The following SEMA3G variants were observed in gnomAD, a reference collection of about 807,000 sequenced individuals.
SEMA3G encodes the protein semaphorin-3G.
SEMA3G carries 70 observed loss-of-function variants against 86.2 expected under a neutral mutation model. The ratio of observed to expected loss-of-function variants is 0.81; its 90% CI spans 0.67 to 0.99. The LOEUF (loss-of-function observed/expected upper bound fraction) is 0.99, where lower values mean the gene tolerates loss of function less well. Ranked by LOEUF, SEMA3G falls within the 50% of genes least tolerant of loss-of-function variation. The pLI, the probability that SEMA3G is intolerant of heterozygous loss-of-function variation, is 0.00. For synonymous variants in SEMA3G, 416 were observed against 441.4 expected (o/e 0.94, Z 0.72); for missense variants, 1,002 against 1,072.4 (o/e 0.93, Z 0.92).
In SEMA3G at chr3:52,442,482, G is replaced by A; in HGVS notation, c.339+77C>T. Reference sequence around the variant, plus strand: ...CCAAATGCCCCTGGTAGAGGTACCTGGGGCGTGGTCACGGATTGTCCTGGG... The same window carrying A: ...CCAAATGCCCCTGGTAGAGGTACCTAGGGCGTGGTCACGGATTGTCCTGGG... On this transcript the variant is annotated intron_variant, in intron 3 of 15. Coordinates refer to ENST00000231721, the MANE Select transcript of SEMA3G (RefSeq NM_020163.3). This position sits in a 1 kb window ranked among gnomAD's most constrained non-coding sequence, Gnocchi z 6.1. 2 of 1,536,424 alleles carry A rather than the reference G, an allele frequency of 1.3e-6. No homozygotes were observed. Among genetic ancestry groups the A allele is most frequent in the Non-Finnish European group, 1.8e-6 (2 of 1,110,814 alleles).
intron 10 of SEMA3G, 131 bp from the exon 11 acceptor site, chr3:52,440,229 AC>A (rs1706125296): frequency 7.8e-6 from 6 of 765,142 alleles, no homozygotes; most frequent in South Asian, 5.5e-5. Context: ...CACTACACCC[AC>A]CCCACCCCAC....
At chr3:52,436,641 G>T (rs1706053682) in intron 15 of SEMA3G, among the ~76,000 whole-genome samples, 1 of 152,258 alleles carries the variant, frequency 6.6e-6, no homozygotes, top group South Asian at 2.1e-4. Context: ...CCCAGCCCAG[G>T]GTGGGCTGAT....
intron 5 of SEMA3G, 24 bp from the exon 6 acceptor site, chr3:52,441,714 A>G: frequency 1.2e-6 from 2 of 1,605,530 alleles, no homozygotes; most frequent in Non-Finnish European, 1.7e-6. Flanking sequence ...TGGGGAACAG[A>G]GTCAGGGGAG....
chr3:52,437,992 A>G lies in SEMA3G; in HGVS notation c.1717T>C (p.Cys573Arg). The G allele has an allele frequency of 6.2e-7, 1 of 1,612,580 alleles. No individual in the cohort carries two copies. Among genetic ancestry groups the G allele is most frequent in the Non-Finnish European group, 8.5e-7 (1 of 1,179,832 alleles). ...DIRHGNPALQ[C>R]LGQSQEEEAV... The stretch of plus-strand genomic sequence containing the variant: ...TCACCTTCCTGGCTCTGGCCCAGGC[A>G]CTGCAGGGCAGGGTTGCCGTGCCGG... The change falls in exon 14 of 16, where the codon TGC becomes CGC. Residue 573 changes from cysteine (C) to arginine (R), a missense_variant. By Grantham distance (180) the Cys-to-Arg change is radical. Coordinates refer to ENST00000231721, the MANE Select transcript of SEMA3G (RefSeq NM_020163.3).
In SEMA3G at chr3:52,437,672, G is replaced by A; in HGVS notation, c.1739-6C>T. 1.2e-6 allele frequency: 2 copies of A among 1,607,618 alleles called. No homozygotes were observed. The highest frequency in any genetic ancestry group is 1.3e-5 in the African/African-American group (1 of 74,938). Reference sequence around the variant, plus strand: ...CACAAGTCCCACTGCCTCTTCTGGAGAGAGGCAGAGGTTGGCTCAGCTTGG... The same window carrying A: ...CACAAGTCCCACTGCCTCTTCTGGAAAGAGGCAGAGGTTGGCTCAGCTTGG... On this transcript the variant is annotated splice_polypyrimidine_tract_variant and splice_region_variant and intron_variant, in intron 14 of 15. Coordinates refer to ENST00000231721, the MANE Select transcript of SEMA3G (RefSeq NM_020163.3).
intron 1 of SEMA3G, among the ~76,000 whole-genome samples, chr3:52,443,497 C>T (rs915266264): frequency 6.6e-5 from 10 of 152,124 alleles, no homozygotes; most frequent in African/African-American, 2.4e-4. Context: ...TGTCTGGGGA[C>T]ATCGGTCCCA....
At position 52,441,695 on chromosome 3, in the gene SEMA3G, G is replaced by T; in HGVS notation, c.551-5C>A. ...GACCCGTGTACAGCTCCCCGTCTGG[G>T]GTGGGGGTTGGGGAACAGAGTCAGG... On this transcript the variant is annotated splice_polypyrimidine_tract_variant and splice_region_variant and intron_variant, in intron 5 of 15. Transcript: ENST00000231721. 6.2e-7 allele frequency: 1 copy of T among 1,611,956 alleles called. No individual in the cohort carries two copies. The highest frequency in any genetic ancestry group is 1.1e-5 in the South Asian group (1 of 91,040).
At chr3:52,441,495 G>A (rs1706154185) in intron 6 of SEMA3G, 79 bp downstream of exon 6, 1 of 1,582,426 alleles carries the variant, frequency 6.3e-7, no homozygotes. Context: ...GAATGGGGCA[G>A]GGGACTCCCA....
At chr3:52,437,906 G>T in intron 14 of SEMA3G, 65 bp downstream of exon 14, 1 of 1,422,306 alleles carries the variant, frequency 7.0e-7, no homozygotes, top group South Asian at 1.2e-5. Context: ...ACTTCGCAGG[G>T]GTGGAGCCGG....
Position 52,438,030 on chromosome 3 carries a change from C to T in SEMA3G, c.1679G>A (p.Arg560His), listed in dbSNP as rs773372990. The T allele has an allele frequency of 1.1e-5, 18 of 1,612,964 alleles. No individual in the cohort carries two copies. The highest frequency in any genetic ancestry group is 6.7e-5 in the East Asian group (3 of 44,888). ...GTTGCCGTGCCGGATGTCCTGCCGGCGGAACCGGCGCTTGCCAAGGCTGGG... is the reference window on the plus strand; with the variant it reads ...GTTGCCGTGCCGGATGTCCTGCCGGTGGAACCGGCGCTTGCCAAGGCTGGG... ...YRPSLGKRRF[R>H]RQDIRHGNPA... Residue 560 changes from arginine (R) to histidine (H), a missense_variant, in exon 14 of 16, where the codon CGC becomes CAC. Transcript: ENST00000231721.
intron 14 of SEMA3G, 111 bp downstream of exon 14, chr3:52,437,860 G>A: frequency 8.7e-7 from 1 of 1,153,078 alleles, no homozygotes; most frequent in Non-Finnish European, 1.2e-6. Flanking sequence ...GGGAAACTGA[G>A]GACTATCCGT....
In SEMA3G at chr3:52,433,597, T is replaced by C. The variant is rs1382220883; in HGVS notation, c.*2006A>G. 6.6e-6 allele frequency: 1 copy of C among 152,634 alleles called. No homozygotes were observed. The highest frequency in any genetic ancestry group is 2.4e-5 in the African/African-American group (1 of 41,428). The allele number at this position is 152,634 out of a possible 1,614,324, so 9.5% of individuals were successfully genotyped here. A position where few individuals can be genotyped will look rare whatever the true frequency, so the allele number is the denominator to read the frequency against. ...GCTGTCCACTTTTTCTAAGTGCAGG[T>C]GTTCGTTGCTGAGGATCTTGTGCTC... On this transcript the variant is annotated 3_prime_UTR_variant, in exon 16 of 16. Transcript: ENST00000231721.
At chr3:52,437,798 C>T in intron 14 of SEMA3G, 132 bp from the exon 15 acceptor site, 1 of 1,185,712 alleles carries the variant, frequency 8.4e-7, no homozygotes, top group Non-Finnish European at 1.2e-6. Context: ...CCCAAGCCAG[C>T]CACTGTGTCC....
In SEMA3G at chr3:52,441,702, GT is replaced by G; in HGVS notation, c.551-13del. 6.2e-7 allele frequency: 1 copy of G among 1,610,256 alleles called. No homozygotes were observed. The highest frequency in any genetic ancestry group is 1.1e-5 in the South Asian group (1 of 91,008). Reference sequence around the variant, plus strand: ...GTACAGCTCCCCGTCTGGGGTGGGGGTTGGGGAACAGAGTCAGGGGAGGAGG... The same window carrying G: ...GTACAGCTCCCCGTCTGGGGTGGGGGTGGGGAACAGAGTCAGGGGAGGAGG... On this transcript the variant is annotated splice_polypyrimidine_tract_variant and intron_variant, in intron 5 of 15. Coordinates refer to ENST00000231721, the MANE Select transcript of SEMA3G (RefSeq NM_020163.3).
chr3:52,440,718 G>A, intron 9 of SEMA3G, 36 bp downstream of exon 9: 1 of 1,584,432 alleles, frequency 6.3e-7, no homozygotes, highest in Non-Finnish European at 8.6e-7. Flanking sequence ...CAAAGACAGG[G>A]GCCCATCGCA....
At chr3:52,438,284 AC>A (rs1188263968) in intron 13 of SEMA3G, 85 bp from the exon 14 acceptor site, 2 of 1,431,932 alleles carry the variant, frequency 1.4e-6, no homozygotes, top group African/African-American at 1.4e-5. Context: ...GCTTCCTGAG[AC>A]CCCTGCCACT....
At chr3:52,438,578 A>G (rs1706090743) in intron 13 of SEMA3G, 1 of 985,508 alleles carries the variant, frequency 1.0e-6, no homozygotes, top group African/African-American at 1.7e-5. Flanking sequence ...ACACTGGAGC[A>G]GATAAATATG....
Position 52,439,788 on chromosome 3 carries a change from G to A in SEMA3G, c.1376-17C>T. 1 of 1,612,944 alleles carries A rather than the reference G, an allele frequency of 6.2e-7. No homozygotes were observed. The highest frequency in any genetic ancestry group is 8.5e-7 in the Non-Finnish European group (1 of 1,179,262). On this transcript the variant is annotated splice_polypyrimidine_tract_variant and intron_variant, in intron 11 of 15. Transcript: ENST00000231721. ...ACCCTGAGTCTGGGGCCAGGGAGGA[G>A]GGGTCAGCGGGACAGGAGGGGACAG... is the stretch of plus-strand genomic sequence containing the variant.
At position 52,435,251 on chromosome 3, in the gene SEMA3G, T is replaced by G; in HGVS notation, c.*352A>C. 3 of 298,912 alleles carry G rather than the reference T, an allele frequency of 1.0e-5. No homozygotes were observed. The highest frequency in any genetic ancestry group is 1.9e-5 in the Non-Finnish European group (3 of 156,922). The allele number at this position is 298,912 out of a possible 1,614,324, so 18.5% of individuals were successfully genotyped here. The stretch of plus-strand genomic sequence containing the variant: ...CTCTGAGGGTCACTCAGAATGGCCA[T>G]TGTTCTGTAGGCTGGGAAAGAACCA... On this transcript the variant is annotated 3_prime_UTR_variant, in exon 16 of 16. Coordinates refer to ENST00000231721, the MANE Select transcript of SEMA3G (RefSeq NM_020163.3).
Sources: allele counts gnomAD v4.1 joint callset (sites outside exome capture counted in the v4.1 genomes callset), GRCh38; gene constraint gnomAD v4.1.1; non-coding constraint Gnocchi (gnomAD v3.1); transcripts MANE v1.5; gene names NCBI Gene and HGNC (gene_info 2026-07-23, HGNC 2026-07-21).